PPP1R12C: variants seen among roughly 807,000 people sequenced by gnomAD.
PPP1R12C encodes protein phosphatase 1 regulatory subunit 12C, also known as leukocyte receptor cluster (LRC) encoded novel gene 3.
Under a neutral mutation model 95.6 loss-of-function variants are expected in PPP1R12C, and 48 were observed. The ratio of observed to expected loss-of-function variants is 0.50; its 90% CI spans 0.40 to 0.64. The LOEUF is 0.64. Ranked by LOEUF, PPP1R12C falls within the 30% of genes least tolerant of loss-of-function variation. The probability of loss-of-function intolerance (pLI) is 0.00; values close to 1 mark genes in which losing one functional copy is unlikely to be tolerated. For missense variants in PPP1R12C, 1,057 were observed against 1,083.3 expected, an observed-to-expected ratio of 0.98 and a Z score of 0.34; for synonymous variants, 480 against 460.8, an observed-to-expected ratio of 1.04 and a Z score of -0.53.
intron 1 of PPP1R12C, chr19:55,113,055 G>A: frequency 1.7e-6 from 1 of 576,050 alleles, no homozygotes. Context: ...ACGGGGAAGG[G>A]AGGGGGCTTC....
intron 4 of PPP1R12C, among the ~76,000 whole-genome samples, chr19:55,102,788 T>C (rs2084992601): frequency 6.6e-6 from 1 of 152,212 alleles, no homozygotes; most frequent in Non-Finnish European, 1.5e-5. Context: ...TTACATGTAC[T>C]GGGGTATATA....
chr19:55,095,120 A>G (rs1304828289), intron 11 of PPP1R12C, 171 bp downstream of exon 11: 3 of 814,910 alleles, frequency 3.7e-6, no homozygotes, highest in African/African-American at 1.7e-5. Flanking sequence ...TGACGTTTCA[A>G]CACAGACCTG....
intron 4 of PPP1R12C, among the ~76,000 whole-genome samples, chr19:55,099,359 G>T (rs1249151408): frequency 6.6e-6 from 1 of 152,212 alleles, no homozygotes; most frequent in East Asian, 1.9e-4. Context: ...GCTGGCAGGG[G>T]GTCACCCTGG....
rs1442354722 is a variant in PPP1R12C, at chr19:55,095,907, C to T, written c.1187G>A (p.Gly396Asp). The change falls in exon 9 of 22, where the codon GGC becomes GAC. Residue 396 changes from glycine (G) to aspartate (D), a missense_variant. Physicochemically the swap from Gly to Asp is moderately conservative, Grantham distance 94. Around this residue, in one of 5 missense-constraint regions of PPP1R12C, gnomAD observed 356 missense variants for 330.5 expected, o/e 1.08. Coordinates refer to ENST00000263433, the MANE Select transcript of PPP1R12C (RefSeq NM_017607.4). ...PPPAEPRTLN[G>D]VSSPPHPSPK... ...GCTGGGGTGCGGCGGGGAGGAGACGCCATTGAGGGTTCTGGGTTCTGCAGG... is the reference window on the plus strand; with the variant it reads ...GCTGGGGTGCGGCGGGGAGGAGACGTCATTGAGGGTTCTGGGTTCTGCAGG... 1.9e-6 allele frequency: 3 copies of T among 1,613,254 alleles called. No homozygotes were observed. Among genetic ancestry groups the T allele is most frequent in the Non-Finnish European group, 2.5e-6 (3 of 1,179,940 alleles).
chr19:55,107,533 T>C (rs574745032), intron 3 of PPP1R12C, among the ~76,000 whole-genome samples: 120 of 152,138 alleles, frequency 7.9e-4, no homozygotes, highest in Non-Finnish European at 1.5e-3. Context: ...TAAAAAAGGA[T>C]GAATTCATGT....
chr19:55,092,873 G>C lies in PPP1R12C; in HGVS notation c.1826-5C>G. The C allele has an allele frequency of 1.3e-6, 2 of 1,596,528 alleles. No individual in the cohort carries two copies. The highest frequency in any genetic ancestry group is 8.5e-7 in the Non-Finnish European group (1 of 1,172,450). Reference sequence around the variant, plus strand: ...CCTGCCCGTCGGGCGCCTCTGCTGGGGGAGGGGCAGGAATCAGCCCAGGCA... The same window carrying C: ...CCTGCCCGTCGGGCGCCTCTGCTGGCGGAGGGGCAGGAATCAGCCCAGGCA... On this transcript the variant is annotated splice_region_variant and splice_polypyrimidine_tract_variant and intron_variant, in intron 15 of 21. Coordinates refer to ENST00000263433, the MANE Select transcript of PPP1R12C (RefSeq NM_017607.4).
chr19:55,097,617 C>T (rs866565295), intron 6 of PPP1R12C, among the ~76,000 whole-genome samples: 1 of 85,382 alleles, frequency 1.2e-5, no homozygotes, highest in East Asian at 3.7e-4. Context: ...GCCCCTTCCC[C>T]GCGCAGTTCA....
rs1345909309 is a variant in PPP1R12C, at chr19:55,092,287, C to T, written c.2095G>A (p.Glu699Lys). The T allele has an allele frequency of 6.2e-7, 1 of 1,600,240 alleles. No individual in the cohort carries two copies. The highest frequency in any genetic ancestry group is 8.5e-7 in the Non-Finnish European group (1 of 1,173,864). ...ELRRENERLR[E>K]ALTETTLRLA... is the part of the protein sequence containing the mutation. ...CGCAGCGTGGTCTCGGTCAGGGCCT[C>T]GCGAAGCCGCTCGTTCTCCCTGCGC... is the stretch of plus-strand genomic sequence containing the variant. The change falls in exon 19 of 22, where the codon GAG becomes AAG. Residue 699 changes from glutamate (E) to lysine (K), a missense_variant. Physicochemically the swap from Glu to Lys is moderately conservative, Grantham distance 56. This residue lies in a region of PPP1R12C where 347 missense variants were observed against 307.9 expected (regional missense o/e 1.13). Coordinates refer to ENST00000263433, the MANE Select transcript of PPP1R12C (RefSeq NM_017607.4).
intron 13 of PPP1R12C, 100 bp from the exon 14 acceptor site, chr19:55,093,333 C>A: frequency 3.9e-5 from 7 of 178,700 alleles, no homozygotes; most frequent in East Asian, 2.1e-4. Flanking sequence ...CTCCCTCAGA[C>A]CCAGGAGCCC....
At chr19:55,097,258 A>T (rs71367149) in intron 6 of PPP1R12C, among the ~76,000 whole-genome samples, 4 of 52,624 alleles carry the variant, frequency 7.6e-5, no homozygotes, top group African/African-American at 1.7e-4. Flanking sequence ...CTTCACCCCT[A>T]CCCCGCGCAG....
In PPP1R12C at chr19:55,117,506, G is replaced by A; in HGVS notation, c.38C>T (p.Ala13Val). The change falls in exon 1 of 22, where the codon GCG becomes GTG. Residue 13 changes from alanine (A) to valine (V), a missense_variant. Ala to Val is a moderately conservative substitution (Grantham distance 64, BLOSUM62 0). This residue lies in a region of PPP1R12C where 70 missense variants were observed against 47.8 expected (regional missense o/e 1.46). Transcript: ENST00000263433. ...CCGCTCCCGGGCAGCCGCCGCCGCC[G>A]CCCCCGGGCCAGCCGCCGGGCCATC... is the stretch of plus-strand genomic sequence containing the variant. ...GEDGPAAGPG[A>V]AAAAARERRR... The A allele has an allele frequency of 2.9e-6, 3 of 1,023,336 alleles. No individual in the cohort carries two copies. The highest frequency in any genetic ancestry group is 3.5e-6 in the Non-Finnish European group (3 of 855,606). 63.4% of individuals were successfully genotyped at this position (1,023,336 alleles called of 1,614,324 possible).
Position 55,113,501 on chromosome 19 carries a change from G to C in PPP1R12C, c.322-706C>G, listed in dbSNP as rs1397432053. 9 of 1,427,758 alleles carry C rather than the reference G, an allele frequency of 6.3e-6. No individual in the cohort carries two copies. The African/African-American group carries it at 1.2e-4, about 19-fold the overall frequency. 88.4% of individuals were successfully genotyped at this position (1,427,758 alleles called of 1,614,324 possible). A position where few individuals can be genotyped will look rare whatever the true frequency, so the allele number is the denominator to read the frequency against. On this transcript the variant is annotated intron_variant, in intron 1 of 21. Transcript: ENST00000263433. Reference sequence around the variant, plus strand: ...GCCACCGTTTCTCATTCTTCCCTTAGGGGTCCAAAACTTGGGGGGACAAAA... The same window carrying C: ...GCCACCGTTTCTCATTCTTCCCTTACGGGTCCAAAACTTGGGGGGACAAAA...
intron 11 of PPP1R12C, 30 bp downstream of exon 11, chr19:55,095,261 C>T: frequency 1.3e-6 from 2 of 1,549,820 alleles, no homozygotes; most frequent in Non-Finnish European, 1.7e-6. Flanking sequence ...TGCCACCCAC[C>T]CCTGAGGGGC....
chr19:55,113,763 T>G, intron 1 of PPP1R12C: 2 of 356,338 alleles, frequency 5.6e-6, no homozygotes, highest in Non-Finnish European at 9.6e-6. Context: ...GGGCCGCACG[T>G]GCCCTGGGAA....
rs2085163508 is a variant in PPP1R12C at position 55,117,210 on chromosome 19, G to A, written c.321+13C>T. 3.3e-6 allele frequency: 4 copies of A among 1,221,492 alleles called. No homozygotes were observed. Among genetic ancestry groups the A allele is most frequent in the African/African-American group, 1.6e-5 (1 of 63,558 alleles). The allele number at this position is 1,221,492 out of a possible 1,614,324, so 75.7% of individuals were successfully genotyped here. A position where few individuals can be genotyped will look rare whatever the true frequency, so the allele number is the denominator to read the frequency against. On this transcript the variant is annotated intron_variant, in intron 1 of 21. Transcript: ENST00000263433. Reference sequence around the variant, plus strand: ...GACCTGGCCCCGGGAGACGCCGGGCGGGGGGCGCTGACCTGGTGCAGGGCG... The same window carrying A: ...GACCTGGCCCCGGGAGACGCCGGGCAGGGGGCGCTGACCTGGTGCAGGGCG...
rs1240383908 is a variant in PPP1R12C at position 55,117,630 on chromosome 19, C to G, written c.-87G>C. On this transcript the variant is annotated 5_prime_UTR_variant, in exon 1 of 22. Transcript: ENST00000263433. ...CCCGCCCGCCCGCCCCGGGGGCCGC[C>G]GGGAACTGCCGCTGGCCCCCCACCG... 3 of 848,690 alleles carry G rather than the reference C, an allele frequency of 3.5e-6. No individual in the cohort carries two copies. Among genetic ancestry groups the G allele is most frequent in the Non-Finnish European group, 4.2e-6 (3 of 707,212 alleles). The allele number at this position is 848,690 out of a possible 1,614,324, so 52.6% of individuals were successfully genotyped here. A position where few individuals can be genotyped will look rare whatever the true frequency, so the allele number is the denominator to read the frequency against.
chr19:55,093,036 G>A lies in PPP1R12C; in HGVS notation c.1805C>T (p.Ser602Phe), dbSNP rs748169165. ...CTCACCTCTCTGGGCAGGGCTGTCA[G>A]AGTTCTCCACTCCAGGGACGCGGGG... The part of the protein sequence containing the change: ...RRPRVPGVEN[S>F]DSPAQRAEAP... Residue 602 changes from serine to phenylalanine, a missense_variant, in exon 15 of 22, where the codon TCT becomes TTT. Coordinates refer to ENST00000263433, the MANE Select transcript of PPP1R12C (RefSeq NM_017607.4). 4.4e-6 allele frequency: 7 copies of A among 1,588,000 alleles called. No individual in the cohort carries two copies. Among genetic ancestry groups the A allele is most frequent in the Admixed American group, 1.7e-5 (1 of 58,302 alleles).
chr19:55,107,806 A>G (rs2085054764), intron 3 of PPP1R12C, among the ~76,000 whole-genome samples: 1 of 152,068 alleles, frequency 6.6e-6, no homozygotes, highest in South Asian at 2.1e-4. Context: ...ACAAACCTGC[A>G]TGTTGTACAC....
Position 55,109,413 on chromosome 19 carries a change from C to T in PPP1R12C, c.571+3054G>A, listed in dbSNP as rs571016540. Among the ~76,000 whole-genome samples the T allele has an allele frequency of 2.0e-5, 3 of 152,202 alleles. No individual in the cohort carries two copies. Among genetic ancestry groups the T allele is most frequent in the African/African-American group, 4.8e-5 (2 of 41,462 alleles). On this transcript the variant is annotated intron_variant, in intron 3 of 21. Transcript: ENST00000263433. This position sits in a 1 kb window ranked among gnomAD's most constrained non-coding sequence, Gnocchi z 4.4. ...GTGCCAGGCCTCAAATGGCCTTTTCCGGCCTGAGCCAGGAGGAACGGGTTT... is the reference window on the plus strand; with the variant it reads ...GTGCCAGGCCTCAAATGGCCTTTTCTGGCCTGAGCCAGGAGGAACGGGTTT...
Sources: gnomAD v4.1 joint callset for allele counts (sites outside exome capture counted in the v4.1 genomes callset) on GRCh38, gnomAD v4.1.1 for gene constraint, gnomAD v4.1.1 regional missense constraint, Gnocchi (gnomAD v3.1) non-coding constraint, MANE v1.5 for transcripts, NCBI Gene and HGNC (gene_info 2026-07-23, HGNC 2026-07-21) for gene names.